The following REC114 variants were observed in gnomAD, a reference collection of about 807,000 sequenced individuals.
The protein encoded by REC114 is REC114 meiotic recombination protein.
In REC114, 27 loss-of-function variants were observed where a neutral mutation model predicts 31.3. That is an observed-to-expected ratio of 0.86 (90% CI 0.64 to 1.19). The LOEUF is 1.19. REC114 is among the 50% of genes most tolerant of loss of function. The pLI is 0.00. For synonymous variants in REC114, 134 were observed against 127.7 expected (o/e 1.05, Z -0.33); for missense variants, 344 against 326.9 (o/e 1.05, Z -0.40).
chr15:73,536,832 T>C (rs933444474), intron 2 of REC114, among the ~76,000 whole-genome samples: 1 of 152,254 alleles, frequency 6.6e-6, no homozygotes, highest in African/African-American at 2.4e-5. Flanking sequence ...CAAGAAATGA[T>C]ACTGGTCCTG....
chr15:73,465,894 C>G (rs1294158822), intron 1 of REC114, among the ~76,000 whole-genome samples: 1 of 152,146 alleles, frequency 6.6e-6, no homozygotes, highest in Admixed American at 6.5e-5. Flanking sequence ...CTCTGTCACC[C>G]AGGCTGGAGT....
intron 1 of REC114, among the ~76,000 whole-genome samples, chr15:73,447,627 A>T (rs1339642424): frequency 6.6e-6 from 1 of 151,224 alleles, no homozygotes; most frequent in East Asian, 1.9e-4. Flanking sequence ...CAGCCTGGGC[A>T]ACAGAGTGAG....
At chr15:73,547,764 C>G (rs1469051188) in intron 3 of REC114, among the ~76,000 whole-genome samples, 1 of 152,084 alleles carries the variant, frequency 6.6e-6, no homozygotes, top group South Asian at 2.1e-4. Context: ...CACAGAAATA[C>G]AAAAATTAAT....
chr15:73,514,706 A>G (rs1269308565), intron 2 of REC114, among the ~76,000 whole-genome samples: 2 of 150,418 alleles, frequency 1.3e-5, no homozygotes, highest in Non-Finnish European at 2.9e-5. Flanking sequence ...TAGCAGTTTG[A>G]AAAAAACGCT....
intron 2 of REC114, 144 bp from the exon 3 acceptor site, chr15:73,540,341 G>C: frequency 1.4e-6 from 1 of 710,350 alleles, no homozygotes. Flanking sequence ...GTCATCCTTG[G>C]CAACTGGTTT....
intron 2 of REC114, among the ~76,000 whole-genome samples, chr15:73,529,049 G>A (rs149429598): frequency 1.1e-3 from 174 of 152,142 alleles, no homozygotes; most frequent in African/African-American, 4.1e-3. Flanking sequence ...ATGATATTAC[G>A]GAATTGTTAA....
Position 73,458,094 on chromosome 15 carries a change from A to G in REC114, c.159+14750A>G, listed in dbSNP as rs1892941020. Among the ~76,000 whole-genome samples the G allele has an allele frequency of 5.9e-5, 9 of 152,162 alleles. No individual in the cohort carries two copies. In the South Asian group the frequency reaches 1.7e-3, roughly 28 times the overall value. On this transcript the variant is annotated intron_variant, in intron 1 of 5. Coordinates refer to ENST00000331090, the MANE Select transcript of REC114 (RefSeq NM_001042367.2). Reference sequence around the variant, plus strand: ...CTGGGGTGGCTCTCTAATTGATTCTATGAGTTGTAATCAGTCTTCATGGCC... The same window carrying G: ...CTGGGGTGGCTCTCTAATTGATTCTGTGAGTTGTAATCAGTCTTCATGGCC...
chr15:73,550,166 G>A (rs1247582855), intron 3 of REC114, among the ~76,000 whole-genome samples: 1 of 152,144 alleles, frequency 6.6e-6, no homozygotes, highest in African/African-American at 2.4e-5. Flanking sequence ...AGGCAGAGTA[G>A]TAGACTAGAA....
chr15:73,507,357 T>C (rs1186330397), intron 2 of REC114, among the ~76,000 whole-genome samples: 1 of 152,156 alleles, frequency 6.6e-6, no homozygotes, highest in African/African-American at 2.4e-5. Context: ...TCTCAAATTA[T>C]GAGATTTTTT....
chr15:73,528,643 T>A (rs10162732), intron 2 of REC114, among the ~76,000 whole-genome samples: 5,014 of 152,250 alleles, frequency 0.033, 307 homozygotes, highest in African/African-American at 0.11. Context: ...GTTGAAAAAA[T>A]TCAGAATATT....
chr15:73,472,391 T>C (rs974238666), intron 1 of REC114, among the ~76,000 whole-genome samples: 9 of 152,218 alleles, frequency 5.9e-5, no homozygotes, highest in African/African-American at 9.6e-5. Context: ...TAAAATGTTA[T>C]TCACTTTTTA....
chr15:73,487,631 G>T (rs1893388397), intron 2 of REC114, among the ~76,000 whole-genome samples: 1 of 152,250 alleles, frequency 6.6e-6, no homozygotes, highest in African/African-American at 2.4e-5. Context: ...CTGCCCGTTA[G>T]AACTTTGTGA....
At chr15:73,538,797 C>T (rs1894197683) in intron 2 of REC114, among the ~76,000 whole-genome samples, 1 of 151,902 alleles carries the variant, frequency 6.6e-6, no homozygotes, top group Admixed American at 6.6e-5. Flanking sequence ...ATAACATTTA[C>T]TACTTTTTAC....
In REC114 at chr15:73,510,865, T is replaced by C. The variant is rs1021540250; in HGVS notation, c.250-29620T>C. On this transcript the variant is annotated intron_variant, in intron 2 of 5. Coordinates refer to ENST00000331090, the MANE Select transcript of REC114 (RefSeq NM_001042367.2). ...TTTGCCAGTATTTTATTGAGGATTT[T>C]TGCATCAATGTTCATCAAAGATATT... Among the ~76,000 whole-genome samples, 633 of 152,284 alleles carry C rather than the reference T, an allele frequency of 4.2e-3. 1 individual carries two copies. Among genetic ancestry groups the C allele is most frequent in the East Asian group, 0.013 (69 of 5,186 alleles).
chr15:73,491,868 C>T (rs1893453142), intron 2 of REC114, among the ~76,000 whole-genome samples: 1 of 152,028 alleles, frequency 6.6e-6, no homozygotes, highest in South Asian at 2.1e-4. Flanking sequence ...CCGCTACACT[C>T]CAGCCTGGGT....
At chr15:73,508,195 A>T (rs1893708561) in intron 2 of REC114, among the ~76,000 whole-genome samples, 1 of 152,214 alleles carries the variant, frequency 6.6e-6, no homozygotes, top group East Asian at 1.9e-4. Context: ...TGTTGAATGA[A>T]TAAATGAATA....
At chr15:73,538,295 CATT>C (rs1894187027) in intron 2 of REC114, among the ~76,000 whole-genome samples, 1 of 152,066 alleles carries the variant, frequency 6.6e-6, no homozygotes, top group South Asian at 2.1e-4. Context: ...CAAACTGTCT[CATT>C]AATGTTTTAC....
Position 73,556,337 on chromosome 15 carries a change from A to G in REC114, c.582A>G (p.Val194=), listed in dbSNP as rs1209267008. ...ACTCAGAACAACAGCAAGTGTGTGT[A>G]ACAGCGGGCACAGGCGCTCCAGACG... The part of the protein sequence containing the change: ...HQHSEQQQVC[V]TAGTGAPDGR... Residue 194 remains valine, a synonymous_variant, in exon 5 of 6, where the codon GTA becomes GTG. Coordinates refer to ENST00000331090, the MANE Select transcript of REC114 (RefSeq NM_001042367.2). 2 of 1,613,722 alleles carry G rather than the reference A, an allele frequency of 1.2e-6. No individual in the cohort carries two copies. The highest frequency in any genetic ancestry group is 1.7e-6 in the Non-Finnish European group (2 of 1,179,780).
chr15:73,443,308 C>T lies in REC114; in HGVS notation c.123C>T (p.Cys41=). The T allele has an allele frequency of 1.9e-6, 3 of 1,582,676 alleles. No homozygotes were observed. Among genetic ancestry groups the T allele is most frequent in the Non-Finnish European group, 2.6e-6 (3 of 1,165,436 alleles). ...PSNTRDPPGP[C]LEAGTAPCPT... is the part of the protein sequence containing the mutation. ...ACACCAGAGACCCACCTGGGCCATG[C>T]CTGGAAGCTGGGACAGCCCCCTGCC... The change falls in exon 1 of 6, where the codon TGC becomes TGT. Residue 41 remains cysteine, a synonymous_variant. Coordinates refer to ENST00000331090, the MANE Select transcript of REC114 (RefSeq NM_001042367.2).
Sources: allele counts gnomAD v4.1 joint callset (sites outside exome capture counted in the v4.1 genomes callset), GRCh38; gene constraint gnomAD v4.1.1; transcripts MANE v1.5; gene names NCBI Gene and HGNC (gene_info 2026-07-23, HGNC 2026-07-21).